RAP1GDS1: variants seen among roughly 807,000 people sequenced by gnomAD.
RAP1GDS1 encodes the protein Rap1 GTPase-GDP dissociation stimulator 1, also known as RAP1, GTP-GDP dissociation stimulator 1.
Under a neutral mutation model 71.1 loss-of-function variants are expected in RAP1GDS1, and 35 were observed. The ratio of observed to expected loss-of-function variants is 0.49; its 90% CI spans 0.38 to 0.65. The LOEUF (loss-of-function observed/expected upper bound fraction) is 0.65. RAP1GDS1 is among the 30% of genes least tolerant of loss of function. RAP1GDS1 has a pLI of 0.00. For synonymous variants in RAP1GDS1, 229 were observed against 243.1 expected, an observed-to-expected ratio of 0.94 and a Z score of 0.54; for missense variants, 663 against 706.1, an observed-to-expected ratio of 0.94 and a Z score of 0.69.
intron 5 of RAP1GDS1, among the ~76,000 whole-genome samples, chr4:98,381,553 G>T (rs1052559859): frequency 4.0e-5 from 6 of 151,450 alleles, no homozygotes; most frequent in Non-Finnish European, 7.4e-5. Context: ...TTGATCATGT[G>T]TACCTAGATA....
intron 4 of RAP1GDS1, among the ~76,000 whole-genome samples, chr4:98,353,610 T>A (rs769654131): frequency 2.0e-5 from 3 of 152,218 alleles, no homozygotes; most frequent in Admixed American, 6.5e-5. Context: ...ATTCTCCTTT[T>A]CTTACTTTTT....
In RAP1GDS1 at chr4:98,317,392, A is replaced by G. The variant is rs571736834; in HGVS notation, c.112+23877A>G. 1.3e-4 allele frequency among the ~76,000 whole-genome samples: 20 copies of G among 152,272 alleles called. No homozygotes were observed. In the South Asian group the frequency reaches 4.1e-3, roughly 32 times the overall value. ...GGCTGCTATGTATTACTGTATCCCC[A>G]CAGTCTACAAAGAACATTATATGTT... On this transcript the variant is annotated intron_variant, in intron 2 of 14. Coordinates refer to ENST00000408927, the MANE Select transcript of RAP1GDS1 (RefSeq NM_001100427.2).
chr4:98,282,129 G>T (rs916091619), intron 1 of RAP1GDS1, among the ~76,000 whole-genome samples: 5 of 152,148 alleles, frequency 3.3e-5, no homozygotes, highest in Non-Finnish European at 5.9e-5. Context: ...CTCATAAAAT[G>T]AGTTAGGGAG....
At chr4:98,441,809 GA>G (rs1751907034) in intron 14 of RAP1GDS1, 180 bp from the exon 15 acceptor site, 1 of 564,056 alleles carries the variant, frequency 1.8e-6, no homozygotes, top group Admixed American at 6.4e-5. Flanking sequence ...AAGTTTTTAT[GA>G]TTTTTTTAAA....
intron 12 of RAP1GDS1, among the ~76,000 whole-genome samples, chr4:98,425,797 A>G (rs146285362): frequency 6.6e-6 from 1 of 152,208 alleles, no homozygotes; most frequent in East Asian, 1.9e-4. Context: ...TACTCCACTG[A>G]CAGCATTAAA....
rs183690907 is a variant in RAP1GDS1, at chr4:98,280,360, T to A, written c.5-13048T>A. Among the ~76,000 whole-genome samples the A allele has an allele frequency of 4.7e-3, 717 of 152,350 alleles. 8 individuals carry two copies. Among genetic ancestry groups the A allele is most frequent in the Non-Finnish European group, 5.5e-3 (373 of 68,014 alleles). The stretch of plus-strand genomic sequence containing the variant: ...TGATTTGCGTTTCTCTGATGACTAG[T>A]GATGATGAGCATTTTTTCATGTGTC... On this transcript the variant is annotated intron_variant, in intron 1 of 14. Transcript: ENST00000408927.
intron 2 of RAP1GDS1, among the ~76,000 whole-genome samples, chr4:98,330,796 C>T (rs1021713342): frequency 7.3e-5 from 11 of 151,228 alleles, no homozygotes; most frequent in African/African-American, 9.7e-5. Context: ...TGGGAAGAAG[C>T]GCTCCTCACT....
chr4:98,403,827 A>G (rs1222465807), intron 6 of RAP1GDS1, among the ~76,000 whole-genome samples: 3 of 152,192 alleles, frequency 2.0e-5, no homozygotes, highest in Non-Finnish European at 4.4e-5. Flanking sequence ...AGATTTAGTA[A>G]TGCATGTGAG....
At chr4:98,395,531 G>C (rs1398415768) in intron 6 of RAP1GDS1, among the ~76,000 whole-genome samples, 1 of 152,180 alleles carries the variant, frequency 6.6e-6, no homozygotes, top group Non-Finnish European at 1.5e-5. Flanking sequence ...AAGAGTCAAA[G>C]GCAGGGAATG....
intron 1 of RAP1GDS1, among the ~76,000 whole-genome samples, chr4:98,285,672 A>G (rs1725854013): frequency 6.6e-6 from 1 of 151,554 alleles, no homozygotes; most frequent in Admixed American, 6.6e-5. Flanking sequence ...AAGACAGTGG[A>G]TTTTCTAGGT....
rs1354986776 is a variant in RAP1GDS1 at position 98,324,276 on chromosome 4, C to A, written c.113-18863C>A. Among the ~76,000 whole-genome samples, 4 of 151,072 alleles carry A rather than the reference C, an allele frequency of 2.6e-5. No individual in the cohort carries two copies. The East Asian group carries it at 7.8e-4, about 30-fold the overall frequency. The stretch of plus-strand genomic sequence containing the variant: ...CTGCTCAAGGAAATAAAAGAGGACA[C>A]AAACAAATGGAAGAACATTCCATGC... On this transcript the variant is annotated intron_variant, in intron 2 of 14. Coordinates refer to ENST00000408927, the MANE Select transcript of RAP1GDS1 (RefSeq NM_001100427.2).
At chr4:98,330,653 C>T (rs1445975534) in intron 2 of RAP1GDS1, among the ~76,000 whole-genome samples, 154 of 151,388 alleles carry the variant, frequency 1.0e-3, no homozygotes, top group African/African-American at 3.6e-3. Flanking sequence ...TCCTCACTTC[C>T]TAGACGGGAT....
chr4:98,418,283 G>T (rs931679480), intron 9 of RAP1GDS1, among the ~76,000 whole-genome samples: 2 of 152,048 alleles, frequency 1.3e-5, no homozygotes, highest in Non-Finnish European at 2.9e-5. Flanking sequence ...AATAATTTAG[G>T]TATCAGCCAT....
intron 4 of RAP1GDS1, among the ~76,000 whole-genome samples, chr4:98,376,848 G>T (rs1741251674): frequency 6.6e-6 from 1 of 151,924 alleles, no homozygotes. Flanking sequence ...CAGAGGAGGG[G>T]GGTGGAAGGA....
At chr4:98,283,861 G>A (rs981932322) in intron 1 of RAP1GDS1, among the ~76,000 whole-genome samples, 7 of 142,136 alleles carry the variant, frequency 4.9e-5, no homozygotes, top group African/African-American at 1.8e-4. Flanking sequence ...CAGATACATA[G>A]ACAGTTGTTA....
intron 2 of RAP1GDS1, among the ~76,000 whole-genome samples, chr4:98,336,897 G>GTTTT (rs1011320232): frequency 3.3e-5 from 5 of 151,092 alleles, no homozygotes; most frequent in Non-Finnish European, 7.4e-5. Flanking sequence ...GTTTTGTTTT[G>GTTTT]TTTTTGTTTT....
At chr4:98,390,129 A>T (rs1743381953) in intron 5 of RAP1GDS1, among the ~76,000 whole-genome samples, 1 of 152,178 alleles carries the variant, frequency 6.6e-6, no homozygotes, top group Non-Finnish European at 1.5e-5. Flanking sequence ...ACCCTCTAGT[A>T]AAGAGCCCTA....
At chr4:98,388,506 G>T (rs185751696) in intron 5 of RAP1GDS1, among the ~76,000 whole-genome samples, 2 of 152,012 alleles carry the variant, frequency 1.3e-5, no homozygotes, top group African/African-American at 4.8e-5. Flanking sequence ...CGGATGGATC[G>T]CCTGAGGTCA....
intron 12 of RAP1GDS1, among the ~76,000 whole-genome samples, chr4:98,426,255 A>C (rs1022268375): frequency 1.3e-5 from 2 of 152,112 alleles, no homozygotes; most frequent in African/African-American, 4.8e-5. Flanking sequence ...AGCCTGAAAT[A>C]GGCATTTCAA....
Sources: gnomAD v4.1 joint callset for allele counts (sites outside exome capture counted in the v4.1 genomes callset) on GRCh38, gnomAD v4.1.1 for gene constraint, MANE v1.5 for transcripts, NCBI Gene and HGNC (gene_info 2026-07-23, HGNC 2026-07-21) for gene names.